FHDC1: variants seen among roughly 807,000 people sequenced by gnomAD.
FHDC1 encodes the protein FH2 domain-containing protein 1.
A neutral mutation model predicts 52.6 loss-of-function variants in FHDC1; 25 were observed. The ratio of observed to expected loss-of-function variants is 0.48; its 90% confidence interval spans 0.35 to 0.66. The LOEUF is 0.66. Ranked by LOEUF, FHDC1 falls within the 30% of genes least tolerant of loss-of-function variation. The probability of loss-of-function intolerance (pLI) is 0.01; values close to 1 mark genes in which losing one functional copy is unlikely to be tolerated. For missense variants in FHDC1, 1,459 were observed against 1,452.8 expected (o/e 1.00, Z -0.07); for synonymous variants, 616 against 581.5 (o/e 1.06, Z -0.85).
intron 8 of FHDC1, among the ~76,000 whole-genome samples, chr4:152,963,985 C>T (rs1418970617): frequency 1.3e-5 from 2 of 151,942 alleles, no homozygotes; most frequent in Non-Finnish European, 2.9e-5. Context: ...AGCCGTGGTG[C>T]AGTCTTGTTT....
rs1740553945 is a variant in FHDC1 at position 152,969,029 on chromosome 4, C to T, written c.1218+932C>T. On this transcript the variant is annotated intron_variant, in intron 10 of 11. Coordinates refer to ENST00000511601, the MANE Select transcript of FHDC1 (RefSeq NM_001371116.1). ...AACAGCAGAGTGGACATGTTTGTGA[C>T]AGCTCACTGTGACTCACTAATCGCA... Among the ~76,000 whole-genome samples the T allele has an allele frequency of 2.6e-5, 4 of 151,504 alleles. No individual in the cohort carries two copies. The South Asian group carries it at 8.3e-4, about 32-fold the overall frequency.
rs773440960 is a variant in FHDC1, at chr4:152,962,795, G to A, written c.851-19G>A. On this transcript the variant is annotated intron_variant, in intron 6 of 11. Transcript: ENST00000511601. The stretch of plus-strand genomic sequence containing the variant: ...ACTGAAGGCATCTCTAAGGTGCTGT[G>A]ATGTGTTCTTTTTGATAGAACTGAT... 4.3e-6 allele frequency: 7 copies of A among 1,609,930 alleles called. No homozygotes were observed. In the African/African-American group the frequency reaches 9.4e-5, roughly 22 times the overall value.
At chr4:152,953,086 A>G (rs140809097) in intron 2 of FHDC1, among the ~76,000 whole-genome samples, 1,666 of 152,128 alleles carry the variant, frequency 0.011, 37 homozygotes, top group African/African-American at 0.038. Flanking sequence ...GTGAGCCAAG[A>G]TGGTGCCACT....
At position 152,975,680 on chromosome 4, in the gene FHDC1, G is replaced by A. The variant is rs761183994; in HGVS notation, c.2389G>A (p.Asp797Asn). Reference sequence around the variant, plus strand: ...AACCGACTCCAGACCCAGAGGCGGGGACCCGGAGGAAGGCGGGGAAGGGGA... The same window carrying A: ...AACCGACTCCAGACCCAGAGGCGGGAACCCGGAGGAAGGCGGGGAAGGGGA... ...EGTDSRPRGG[D>N]PEEGGEGDGS... The change falls in exon 12 of 12, where the codon GAC becomes AAC. Residue 797 changes from aspartate (D) to asparagine (N), a missense_variant. By Grantham distance (23) the Asp-to-Asn change is conservative. This residue lies in a region of FHDC1 where 939 missense variants were observed against 854.5 expected (regional missense o/e 1.10). Coordinates refer to ENST00000511601, the MANE Select transcript of FHDC1 (RefSeq NM_001371116.1). 6 of 1,612,538 alleles carry A rather than the reference G, an allele frequency of 3.7e-6. No homozygotes were observed. The highest frequency in any genetic ancestry group is 5.1e-6 in the Non-Finnish European group (6 of 1,179,210).
chr4:152,940,600 A>T (rs1022916951), intron 1 of FHDC1, among the ~76,000 whole-genome samples: 3 of 152,194 alleles, frequency 2.0e-5, no homozygotes, highest in African/African-American at 7.2e-5. Flanking sequence ...TGTGAGGTTT[A>T]GTGGCGCATC....
chr4:152,975,052 G>A lies in FHDC1; in HGVS notation c.1761G>A (p.Glu587=). The A allele has an allele frequency of 6.2e-7, 1 of 1,612,330 alleles. No homozygotes were observed. Among genetic ancestry groups the A allele is most frequent in the East Asian group, 2.2e-5 (1 of 44,846 alleles). ...RQARPTIACL[E]PAEVRHQDSS... ...CCCGGCCCACGATAGCCTGCCTGGA[G>A]CCTGCAGAAGTGAGGCACCAGGACT... is the stretch of plus-strand genomic sequence containing the variant. Residue 587 remains glutamate (E), a synonymous_variant, in exon 12 of 12, where the codon GAG becomes GAA. Transcript: ENST00000511601.
rs1239639995 is a variant in FHDC1, at chr4:152,977,633, T to C, written c.*910T>C. On this transcript the variant is annotated 3_prime_UTR_variant, in exon 12 of 12. Transcript: ENST00000511601. ...AATTGTTTTTTTTTAATTTATCTTT[T>C]GTAGAGATGGGATCTCACTATGTTG... The C allele has an allele frequency of 6.6e-6, 1 of 151,966 alleles. No homozygotes were observed. The highest frequency in any genetic ancestry group is 1.9e-4 in the East Asian group (1 of 5,190). The allele number at this position is 151,966 out of a possible 1,614,324, so 9.4% of individuals were successfully genotyped here. A position where few individuals can be genotyped will look rare whatever the true frequency, so the allele number is the denominator to read the frequency against.
At chr4:152,944,392 A>C (rs1002131128) in intron 2 of FHDC1, among the ~76,000 whole-genome samples, 2 of 151,912 alleles carry the variant, frequency 1.3e-5, no homozygotes, top group Non-Finnish European at 2.9e-5. Flanking sequence ...ATGCACACAC[A>C]AAGCACAACA....
chr4:152,938,011 C>T (rs1356008362), intron 1 of FHDC1, among the ~76,000 whole-genome samples: 1 of 152,056 alleles, frequency 6.6e-6, no homozygotes, highest in South Asian at 2.1e-4. Flanking sequence ...TGTCCCAGGA[C>T]CCCCCAGGCC....
chr4:152,937,470 C>T (rs1295286819), intron 1 of FHDC1, among the ~76,000 whole-genome samples: 2 of 151,944 alleles, frequency 1.3e-5, no homozygotes, highest in Admixed American at 6.5e-5. Flanking sequence ...CAGCGTGGGC[C>T]CCTCGGGGAG....
In FHDC1 at chr4:152,953,391, AT is replaced by A. The variant is rs372497371; in HGVS notation, c.499-106del. The A allele has an allele frequency of 6.9e-5, 55 of 801,496 alleles. No homozygotes were observed. In the African/African-American group the frequency reaches 7.9e-4, roughly 11 times the overall value. 49.6% of individuals were successfully genotyped at this position (801,496 alleles called of 1,614,324 possible). A position where few individuals can be genotyped will look rare whatever the true frequency, so the allele number is the denominator to read the frequency against. On this transcript the variant is annotated intron_variant, in intron 2 of 11. Transcript: ENST00000511601. ...TCACCAGATTTATACATTGGGAATT[AT>A]TCTCTGATAAATTAGTGTTGCATTT... is the stretch of plus-strand genomic sequence containing the variant.
intron 1 of FHDC1, among the ~76,000 whole-genome samples, chr4:152,936,753 T>G (rs1204669046): frequency 6.6e-6 from 1 of 152,268 alleles, no homozygotes; most frequent in African/African-American, 2.4e-5. Context: ...GGGTCGCACC[T>G]GGGCGGTTGA....
chr4:152,915,261 G>A, the FHDC1 span, among the ~76,000 whole-genome samples: 3 of 152,100 alleles, frequency 2.0e-5, no homozygotes, highest in African/African-American at 7.2e-5. Context: ...GTCTCACTCT[G>A]TTGCTCAGGC....
At chr4:152,928,133 A>G in the FHDC1 span, 1 of 921,490 alleles carries the variant, frequency 1.1e-6, no homozygotes, top group South Asian at 1.3e-5. Context: ...CAGCGCAGAC[A>G]GTGAAGGCAC....
At position 152,975,824 on chromosome 4, in the gene FHDC1, A is replaced by T; in HGVS notation, c.2533A>T (p.Lys845Ter). 1 of 1,520,766 alleles carries T rather than the reference A, an allele frequency of 6.6e-7. No individual in the cohort carries two copies. Among genetic ancestry groups the T allele is most frequent in the Non-Finnish European group, 8.8e-7 (1 of 1,135,886 alleles). 94.2% of individuals were successfully genotyped at this position (1,520,766 alleles called of 1,614,324 possible). A position where few individuals can be genotyped will look rare whatever the true frequency, so the allele number is the denominator to read the frequency against. ...CTCTGTGGATAGTGAGCCCAGCTGC[A>T]AGGGCGGCCTGCCCAGGGACAAACC... ...PVSVDSEPSC[K>*]GGLPRDKPTK... Residue 845 changes from lysine (K) to a stop codon, truncating the protein, a stop_gained, in exon 12 of 12, where the codon AAG becomes TAG. Coordinates refer to ENST00000511601, the MANE Select transcript of FHDC1 (RefSeq NM_001371116.1). LOFTEE classifies it low-confidence loss of function (END_TRUNC).
chr4:152,942,591 C>T (rs1295409456), intron 1 of FHDC1, among the ~76,000 whole-genome samples: 4 of 152,144 alleles, frequency 2.6e-5, no homozygotes, highest in Admixed American at 2.6e-4. Context: ...AACCATTGTC[C>T]AAAGAGAACG....
chr4:152,943,216 G>A lies in FHDC1; in HGVS notation c.159G>A (p.Glu53=). Residue 53 remains glutamate, a synonymous_variant, in exon 2 of 12, where the codon GAG becomes GAA. Coordinates refer to ENST00000511601, the MANE Select transcript of FHDC1 (RefSeq NM_001371116.1). ...PSPPCSCSRE[E]CPSSPPPPPP... is the part of the protein sequence containing the mutation. ...CACCATGTTCATGTTCAAGGGAAGA[G>A]TGTCCTTCCTCCCCTCCTCCACCCC... 6.2e-7 allele frequency: 1 copy of A among 1,610,572 alleles called. No homozygotes were observed.
At chr4:152,916,135 ACAAAAG>A in the FHDC1 span, among the ~76,000 whole-genome samples, 4 of 91,502 alleles carry the variant, frequency 4.4e-5, 1 homozygote, top group South Asian at 1.8e-3. Context: ...AAAGTCCATC[ACAAAAG>A]AAAAAAAAAA....
the FHDC1 span, among the ~76,000 whole-genome samples, chr4:152,921,618 CT>C: frequency 1.4e-5 from 2 of 143,928 alleles, no homozygotes; most frequent in African/African-American, 5.1e-5. Context: ...CCCTTCCTCC[CT>C]TTTTCCCTTC....
Sources: gnomAD v4.1 joint callset for allele counts (sites outside exome capture counted in the v4.1 genomes callset) on GRCh38, gnomAD v4.1.1 for gene constraint, gnomAD v4.1.1 regional missense constraint, MANE v1.5 for transcripts, NCBI Gene and HGNC (gene_info 2026-07-23, HGNC 2026-07-21) for gene names.